Variants in RFX3 observed in about 807,000 individuals in gnomAD.
RFX3 encodes the protein regulatory factor X3, also known as transcription factor RFX3.
Under a neutral mutation model 98.6 loss-of-function variants are expected in RFX3, and 14 were observed. The ratio of observed to expected loss-of-function variants is 0.14; its 90% CI spans 0.09 to 0.22. RFX3 has a LOEUF of 0.22. Among genes scored for constraint, RFX3 ranks in the 10% least tolerant of loss-of-function variants. RFX3 has a pLI of 1.00. For synonymous variants in RFX3, 383 were observed against 328.4 expected (o/e 1.17, Z -1.80); for missense variants, 639 against 926.9 (o/e 0.69, Z 4.03).
At chr9:3,327,198 TA>T (rs966186162) in intron 4 of RFX3, among the ~76,000 whole-genome samples, 52 of 146,536 alleles carry the variant, frequency 3.5e-4, no homozygotes, top group East Asian at 3.9e-4. Flanking sequence ...TGGCATCTCC[TA>T]AAAAAAAAAA....
At chr9:3,495,196 C>G (rs1317856520) in intron 1 of RFX3, among the ~76,000 whole-genome samples, 1 of 151,692 alleles carries the variant, frequency 6.6e-6, no homozygotes, top group Non-Finnish European at 1.5e-5. Context: ...AACCATAAAG[C>G]AAGAACTTCT....
intron 1 of RFX3, among the ~76,000 whole-genome samples, chr9:3,480,826 G>A (rs1417281897): frequency 2.1e-5 from 3 of 140,664 alleles, no homozygotes; most frequent in Admixed American, 7.0e-5. Flanking sequence ...GAACGCTGTA[G>A]AATAAATAAG....
At chr9:3,228,553 G>A (rs1264854999) in intron 16 of RFX3, among the ~76,000 whole-genome samples, 5 of 152,180 alleles carry the variant, frequency 3.3e-5, no homozygotes, top group Non-Finnish European at 7.3e-5. Context: ...CAGGACTCTA[G>A]CCATGGTCAG....
At chr9:3,364,402 G>A in intron 2 of RFX3, 1 of 226,020 alleles carries the variant, frequency 4.4e-6, no homozygotes, top group South Asian at 6.4e-5. Flanking sequence ...TACAAAATGG[G>A]CGGTCTTTTT....
chr9:3,279,158 C>T (rs952228091), intron 7 of RFX3, among the ~76,000 whole-genome samples: 2 of 151,690 alleles, frequency 1.3e-5, no homozygotes, highest in Admixed American at 6.6e-5. Flanking sequence ...TGTACATGTG[C>T]GGCAGAGCAG....
At position 3,374,043 on chromosome 9, in the gene RFX3, A is replaced by C. The variant is rs553411560; in HGVS notation, c.117+21429T>G. ...CAGTGAGTCGAGATGGCACCACTAC[A>C]CTCCAGCCTGGGCGACAGAGTGAGA... is the stretch of plus-strand genomic sequence containing the variant. On this transcript the variant is annotated intron_variant, in intron 2 of 16. Coordinates refer to ENST00000617270, the MANE Select transcript of RFX3 (RefSeq NM_001282116.2). 7.9e-5 allele frequency among the ~76,000 whole-genome samples: 12 copies of C among 151,988 alleles called. No homozygotes were observed. The East Asian group carries it at 2.3e-3, about 30-fold the overall frequency.
At chr9:3,241,389 T>C (rs1819902131) in intron 15 of RFX3, among the ~76,000 whole-genome samples, 1 of 152,174 alleles carries the variant, frequency 6.6e-6, no homozygotes, top group Non-Finnish European at 1.5e-5. Context: ...GCAAATTTTC[T>C]CCATTCCCTG....
intron 14 of RFX3, among the ~76,000 whole-genome samples, chr9:3,256,675 G>A (rs1188194146): frequency 6.6e-6 from 1 of 152,184 alleles, no homozygotes; most frequent in Non-Finnish European, 1.5e-5. Context: ...GCAAGAGGGA[G>A]GACAGTTGCC....
intron 1 of RFX3, among the ~76,000 whole-genome samples, chr9:3,469,791 A>G (rs1848611861): frequency 6.6e-6 from 1 of 151,568 alleles, no homozygotes; most frequent in Admixed American, 6.6e-5. Context: ...TGTTGCAGTG[A>G]GCTGAGATCG....
intron 14 of RFX3, 111 bp downstream of exon 14, chr9:3,256,880 C>G: frequency 9.9e-7 from 1 of 1,010,742 alleles, no homozygotes; most frequent in Non-Finnish European, 1.5e-6. Context: ...TTTCCACAAA[C>G]TAAAGTCTTT....
chr9:3,471,647 T>G (rs889399335), intron 1 of RFX3, among the ~76,000 whole-genome samples: 1 of 152,358 alleles, frequency 6.6e-6, no homozygotes, highest in African/African-American at 2.4e-5. Context: ...CTAAGACTTT[T>G]AAGAAAATTC....
At chr9:3,411,621 G>A (rs965444566) in intron 1 of RFX3, among the ~76,000 whole-genome samples, 2 of 150,274 alleles carry the variant, frequency 1.3e-5, no homozygotes, top group African/African-American at 2.4e-5. Flanking sequence ...GATTATAGGT[G>A]TGTGACACCA....
At chr9:3,268,619 G>T (rs1385751048) in intron 11 of RFX3, among the ~76,000 whole-genome samples, 1 of 151,836 alleles carries the variant, frequency 6.6e-6, no homozygotes, top group Non-Finnish European at 1.5e-5. Context: ...AACTATTCGG[G>T]TGTCTGCTTA....
chr9:3,312,612 T>C (rs1354773667), intron 4 of RFX3, among the ~76,000 whole-genome samples: 1 of 150,060 alleles, frequency 6.7e-6, no homozygotes, highest in Non-Finnish European at 1.5e-5. Flanking sequence ...GGTTCCAAGA[T>C]GGCCGAATAG....
chr9:3,290,043 G>C (rs1827135230), intron 6 of RFX3, among the ~76,000 whole-genome samples: 1 of 152,032 alleles, frequency 6.6e-6, no homozygotes, highest in Admixed American at 6.6e-5. Context: ...ATGGTAGAAA[G>C]AATGTCTAGT....
At chr9:3,518,008 G>A (rs550612972) in intron 1 of RFX3, among the ~76,000 whole-genome samples, 2 of 152,200 alleles carry the variant, frequency 1.3e-5, no homozygotes, top group Non-Finnish European at 2.9e-5. Flanking sequence ...CCTTTTCTAC[G>A]TTTAGATATG....
intron 2 of RFX3, among the ~76,000 whole-genome samples, chr9:3,376,624 A>C (rs183195511): frequency 6.6e-6 from 1 of 152,206 alleles, no homozygotes; most frequent in African/African-American, 2.4e-5. Flanking sequence ...GCTTCTGCAC[A>C]GCAAAAGAAA....
chr9:3,520,318 A>G (rs1587925593), intron 1 of RFX3, among the ~76,000 whole-genome samples: 2 of 152,354 alleles, frequency 1.3e-5, no homozygotes, highest in Middle Eastern at 6.8e-3. Context: ...TTAACTAATT[A>G]TAGTAAAATA....
rs551624794 is a variant in RFX3 at position 3,374,267 on chromosome 9, A to C, written c.117+21205T>G. Among the ~76,000 whole-genome samples the C allele has an allele frequency of 2.6e-5, 4 of 152,322 alleles. No homozygotes were observed. In the East Asian group the frequency reaches 7.7e-4, roughly 29 times the overall value. ...TAGCTGTTATGGAAAACAGTATAGC[A>C]GCTCCTCAAAATTTTAAAAATAGAA... is the stretch of plus-strand genomic sequence containing the variant. On this transcript the variant is annotated intron_variant, in intron 2 of 16. Transcript: ENST00000617270.
Sources: allele counts gnomAD v4.1 joint callset (sites outside exome capture counted in the v4.1 genomes callset), GRCh38; gene constraint gnomAD v4.1.1; transcripts MANE v1.5; gene names NCBI Gene and HGNC (gene_info 2026-07-23, HGNC 2026-07-21).